The following HSPA12B variants were observed in gnomAD, a reference collection of about 807,000 sequenced individuals.
HSPA12B encodes heat shock protein family A (Hsp70) member 12B.
HSPA12B carries 54 observed loss-of-function variants against 69.3 expected under a neutral mutation model. That is an observed-to-expected ratio of 0.78 (90% CI 0.63 to 0.98). HSPA12B has a LOEUF of 0.98. HSPA12B is among the 50% of genes least tolerant of loss of function. The pLI, the probability that HSPA12B is intolerant of heterozygous loss-of-function variation, is 0.00. For synonymous variants in HSPA12B, 441 were observed against 436.5 expected, an observed-to-expected ratio of 1.01 and a Z score of -0.13; for missense variants, 929 against 999.8, an observed-to-expected ratio of 0.93 and a Z score of 0.96.
At position 3,742,854 on chromosome 20, in the gene HSPA12B, T is replaced by A. The variant is rs2088227568; in HGVS notation, c.266+446T>A. On this transcript the variant is annotated intron_variant, in intron 4 of 12. Transcript: ENST00000254963. ...CTGGGAATACAGGTGTGCGCCACTA[T>A]GCCTGGCTAACTTTTGTGGGGTTTT... Among the ~76,000 whole-genome samples the A allele has an allele frequency of 2.0e-5, 3 of 151,458 alleles. No individual in the cohort carries two copies. In the South Asian group the frequency reaches 6.3e-4, roughly 32 times the overall value.
Position 3,749,692 on chromosome 20 carries a change from G to A in HSPA12B, c.938-58G>A. ...TGGAGGCTGGGCGAGGCTGGAGGGG[G>A]CGCAGGGCTGAGGGTGCGAGGCCGC... On this transcript the variant is annotated intron_variant, in intron 9 of 12. Transcript: ENST00000254963. This position sits in a 1 kb window ranked among gnomAD's most constrained non-coding sequence, Gnocchi z 5.5. 1 of 1,271,704 alleles carries A rather than the reference G, an allele frequency of 7.9e-7. No individual in the cohort carries two copies. Among genetic ancestry groups the A allele is most frequent in the Non-Finnish European group, 1.1e-6 (1 of 917,332 alleles). The allele number at this position is 1,271,704 out of a possible 1,614,324, so 78.8% of individuals were successfully genotyped here.
Position 3,749,160 on chromosome 20 carries a change from A to C in HSPA12B, c.851-72A>C. ...AGTGCCCATGGAGGTCCTGGGCAGG[A>C]GGATGGGAGTTGAACGCCATAGCTG... On this transcript the variant is annotated intron_variant, in intron 8 of 12. Transcript: ENST00000254963. This position sits in a 1 kb window ranked among gnomAD's most constrained non-coding sequence, Gnocchi z 5.5. 7.4e-7 allele frequency: 1 copy of C among 1,343,470 alleles called. No homozygotes were observed. Among genetic ancestry groups the C allele is most frequent in the Non-Finnish European group, 1.0e-6 (1 of 959,316 alleles). The allele number at this position is 1,343,470 out of a possible 1,614,324, so 83.2% of individuals were successfully genotyped here.
At chr20:3,751,482 C>A in intron 12 of HSPA12B, 29 bp from the exon 13 acceptor site, 4 of 1,381,994 alleles carry the variant, frequency 2.9e-6, no homozygotes, top group Non-Finnish European at 3.7e-6. Context: ...CTGCCCCCTT[C>A]ACCCGCGTCC....
chr20:3,750,639 A>G (rs2088400960), intron 11 of HSPA12B, 165 bp from the exon 12 acceptor site: 2 of 983,160 alleles, frequency 2.0e-6, no homozygotes, highest in Non-Finnish European at 1.2e-6. Context: ...GGGTGGAGAT[A>G]AGGGACTAAC....
At chr20:3,741,006 G>A (rs1486676115) in intron 3 of HSPA12B, 94 bp downstream of exon 3, 14 of 994,696 alleles carry the variant, frequency 1.4e-5, no homozygotes, top group Admixed American at 1.4e-4. Context: ...AGCTAGGAAG[G>A]AGGAGGGGAT....
rs114858375 is a variant in HSPA12B at position 3,734,485 on chromosome 20, C to T, written c.-18+1691C>T. Among the ~76,000 whole-genome samples the T allele has an allele frequency of 2.2e-3, 328 of 152,314 alleles. 3 individuals carry two copies. Among genetic ancestry groups the T allele is most frequent in the African/African-American group, 7.2e-3 (301 of 41,560 alleles). On this transcript the variant is annotated intron_variant, in intron 1 of 12. Transcript: ENST00000254963. ...TTTCTGTGTAAATCAAACTGTCCCA[C>T]TCAATTACTCTCAAACCCATAGGCA...
chr20:3,739,128 G>C (rs2088155509), intron 2 of HSPA12B, among the ~76,000 whole-genome samples: 1 of 152,196 alleles, frequency 6.6e-6, no homozygotes. Flanking sequence ...TGTCTCTGCG[G>C]GCAGGTCTCT....
In HSPA12B at chr20:3,744,703, A is replaced by G. The variant is rs941917395; in HGVS notation, c.267-199A>G. On this transcript the variant is annotated intron_variant, in intron 4 of 12. Transcript: ENST00000254963. This position sits in a 1 kb window ranked among gnomAD's most constrained non-coding sequence, Gnocchi z 4.9. ...TCTTGGCTACTTTAAATCCACGAAG[A>G]CAGAATTCTGAATGGCCTTCTGTGC... Among the ~76,000 whole-genome samples the G allele has an allele frequency of 1.3e-5, 2 of 152,222 alleles. No homozygotes were observed. Among genetic ancestry groups the G allele is most frequent in the Non-Finnish European group, 2.9e-5 (2 of 68,036 alleles).
Position 3,750,851 on chromosome 20 carries a change from G to A in HSPA12B, c.1349G>A (p.Cys450Tyr), listed in dbSNP as rs2088406136. ...TCACAGGGGATGCTCCGAATGTCTTGTGAAGCCATGAACGAGCTCTTTCAG... is the reference window on the plus strand; with the variant it reads ...TCACAGGGGATGCTCCGAATGTCTTATGAAGCCATGAACGAGCTCTTTCAG... ...WSSQGMLRMS[C>Y]EAMNELFQPT... Residue 450 changes from cysteine (C) to tyrosine (Y), a missense_variant, in exon 12 of 13, where the codon TGT (cysteine) becomes TAT (tyrosine). Physicochemically the swap from Cys to Tyr is radical, Grantham distance 194. Transcript: ENST00000254963. The A allele has an allele frequency of 1.2e-6, 2 of 1,613,990 alleles. No individual in the cohort carries two copies. The highest frequency in any genetic ancestry group is 1.7e-6 in the Non-Finnish European group (2 of 1,180,040).
rs563413970 is a variant in HSPA12B, at chr20:3,751,651, G to A, written c.1546G>A (p.Val516Met). 9 of 1,522,960 alleles carry A rather than the reference G, an allele frequency of 5.9e-6. No homozygotes were observed. In the East Asian group the frequency reaches 7.5e-5, roughly 13 times the overall value. 94.3% of individuals were successfully genotyped at this position (1,522,960 alleles called of 1,614,324 possible). A position where few individuals can be genotyped will look rare whatever the true frequency, so the allele number is the denominator to read the frequency against. Residue 516 changes from valine to methionine, a missense_variant, in exon 13 of 13, where the codon GTG (valine) becomes ATG (methionine). Physicochemically the swap from Val to Met is conservative, Grantham distance 21 (BLOSUM62 1). Coordinates refer to ENST00000254963, the MANE Select transcript of HSPA12B (RefSeq NM_052970.5). ...RGLRVVVPHDVGLTILKGAVL... is the reference protein window; with the variant it reads ...RGLRVVVPHDMGLTILKGAVL... The stretch of plus-strand genomic sequence containing the variant: ...TCTGCGTGTCGTGGTCCCGCACGAC[G>A]TGGGCCTCACCATCCTCAAAGGCGC...
intron 2 of HSPA12B, among the ~76,000 whole-genome samples, chr20:3,739,522 C>G (rs2088164014): frequency 6.6e-6 from 1 of 152,204 alleles, no homozygotes; most frequent in African/African-American, 2.4e-5. Flanking sequence ...TTCCTTCCTG[C>G]CTCCCTTCCC....
rs188553905 is a variant in HSPA12B at position 3,740,530 on chromosome 20, C to G, written c.44-285C>G. Among the ~76,000 whole-genome samples, 3 of 152,200 alleles carry G rather than the reference C, an allele frequency of 2.0e-5. No individual in the cohort carries two copies. Among genetic ancestry groups the G allele is most frequent in the African/African-American group, 7.2e-5 (3 of 41,442 alleles). ...CACACAATGCTTTTCTGTCTCTCTC[C>G]CCTCCCACACTGTGTGTCTGAGGGG... On this transcript the variant is annotated intron_variant, in intron 2 of 12. Transcript: ENST00000254963. The surrounding 1 kb of genome is among the most constrained non-coding windows in gnomAD (Gnocchi z 4.9).
chr20:3,734,532 G>T (rs2088078002), intron 1 of HSPA12B, among the ~76,000 whole-genome samples: 1 of 152,174 alleles, frequency 6.6e-6, no homozygotes, highest in Non-Finnish European at 1.5e-5. Context: ...AAATTAGTAG[G>T]CCCCTGAAGC....
chr20:3,742,193 G>A, intron 3 of HSPA12B, 91 bp from the exon 4 acceptor site: 8 of 1,545,122 alleles, frequency 5.2e-6, no homozygotes, highest in Non-Finnish European at 7.0e-6. Context: ...GTGGAGGGGA[G>A]TGTCTTCCCC....
In HSPA12B at chr20:3,752,146, AT is replaced by A. The variant is rs1311302738; in HGVS notation, c.2042del (p.Ile681ThrfsTer38). 1.4e-6 allele frequency: 2 copies of A among 1,459,058 alleles called. No homozygotes were observed. The highest frequency in any genetic ancestry group is 2.5e-5 in the Admixed American group (1 of 39,518). The allele number at this position is 1,459,058 out of a possible 1,614,324, so 90.4% of individuals were successfully genotyped here. A position where few individuals can be genotyped will look rare whatever the true frequency, so the allele number is the denominator to read the frequency against. On this transcript the variant is annotated frameshift_variant, in exon 13 of 13. Coordinates refer to ENST00000254963, the MANE Select transcript of HSPA12B (RefSeq NM_052970.5). LOFTEE classifies it high-confidence loss of function. ...CACCAATCGCTCCGTGCGCGCGTCC[AT>A]CGACTTTCTTTCCAACTGAGGGCGC... ...VSTNRSVRASIDFLSN is the reference protein window; with the variant it reads ...VSTNRSVRASXDFLSN
Position 3,752,061 on chromosome 20 carries a change from G to A in HSPA12B, c.1956G>A (p.Glu652=), listed in dbSNP as rs376453290. 2 of 1,550,514 alleles carry A rather than the reference G, an allele frequency of 1.3e-6. No homozygotes were observed. Among genetic ancestry groups the A allele is most frequent in the East Asian group, 2.3e-5 (1 of 42,888 alleles). Residue 652 remains glutamate (E), a synonymous_variant, in exon 13 of 13, where the codon GAG becomes GAA. Coordinates refer to ENST00000254963, the MANE Select transcript of HSPA12B (RefSeq NM_052970.5). ...CCGGCGCGCCTCCCGGCCGCCGCGA[G>A]ATCCGCGCCGCCATGCAGTTTGGCG... The part of the protein sequence containing the change: ...DTAGAPPGRR[E]IRAAMQFGDT...
chr20:3,749,332 G>A lies in HSPA12B; in HGVS notation c.937+14G>A. On this transcript the variant is annotated intron_variant, in intron 9 of 12. Transcript: ENST00000254963. The surrounding 1 kb of genome is among the most constrained non-coding windows in gnomAD (Gnocchi z 5.5). ...AGATGCAAGCAGGTAGGGGGAAAGGGGGACGGAGTGTTATCCTTGGCCCCT... is the reference window on the plus strand; with the variant it reads ...AGATGCAAGCAGGTAGGGGGAAAGGAGGACGGAGTGTTATCCTTGGCCCCT... 1 of 1,608,666 alleles carries A rather than the reference G, an allele frequency of 6.2e-7. No individual in the cohort carries two copies. Among genetic ancestry groups the A allele is most frequent in the Middle Eastern group, 1.7e-4 (1 of 6,042 alleles).
At chr20:3,750,492 C>T (rs58505239) in intron 11 of HSPA12B, among the ~76,000 whole-genome samples, 49,843 of 152,014 alleles carry the variant, frequency 0.33, 8,378 homozygotes, top group Middle Eastern at 0.41. Flanking sequence ...CTCCTCCCAG[C>T]CTTCTCTACA....
In HSPA12B at chr20:3,740,837, A is replaced by T; in HGVS notation, c.66A>T (p.Pro22=). ...LYIGSSPERS[P]VPSPPGSPRT... is the part of the protein sequence containing the mutation. ...CAGGCTCCAGCCCGGAGCGGTCCCC[A>T]GTGCCTAGCCCACCCGGCTCCCCGA... Residue 22 remains proline, a synonymous_variant, in exon 3 of 13, where the codon CCA becomes CCT. Transcript: ENST00000254963. The surrounding 1 kb of genome is among the most constrained non-coding windows in gnomAD (Gnocchi z 4.9). The T allele has an allele frequency of 6.2e-7, 1 of 1,613,832 alleles. No individual in the cohort carries two copies. Among genetic ancestry groups the T allele is most frequent in the African/African-American group, 1.3e-5 (1 of 75,040 alleles).
Sources: gnomAD v4.1 joint callset for allele counts (sites outside exome capture counted in the v4.1 genomes callset) on GRCh38, gnomAD v4.1.1 for gene constraint, Gnocchi (gnomAD v3.1) non-coding constraint, MANE v1.5 for transcripts, NCBI Gene and HGNC (gene_info 2026-07-23, HGNC 2026-07-21) for gene names.